SLC35F2: variants seen among roughly 807,000 people sequenced by gnomAD.
SLC35F2 encodes solute carrier family 35 member F2.
A neutral mutation model predicts 38.1 loss-of-function variants in SLC35F2; 25 were observed. That is an observed-to-expected ratio of 0.66 (90% CI 0.48 to 0.92). SLC35F2 has a LOEUF of 0.92. SLC35F2 is among the 40% of genes least tolerant of loss of function. The pLI is 0.00. For missense variants in SLC35F2, 409 were observed against 452.9 expected, an observed-to-expected ratio of 0.90 and a Z score of 0.88; for synonymous variants, 173 against 181.7, an observed-to-expected ratio of 0.95 and a Z score of 0.38.
At chr11:107,852,770 G>A (rs1174699572) in intron 1 of SLC35F2, among the ~76,000 whole-genome samples, 1 of 151,878 alleles carries the variant, frequency 6.6e-6, no homozygotes, top group East Asian at 1.9e-4. Context: ...TACTACTAGG[G>A]AGGCTGAGGC....
intron 4 of SLC35F2, 175 bp from the exon 5 acceptor site, chr11:107,805,690 G>A (rs1009475377): frequency 4.7e-5 from 46 of 983,362 alleles, no homozygotes; most frequent in Non-Finnish European, 5.3e-5. Context: ...GTGTGTATGT[G>A]TGTGTTTGAG....
intron 1 of SLC35F2, among the ~76,000 whole-genome samples, chr11:107,838,409 C>T (rs1296241086): frequency 6.6e-6 from 1 of 152,200 alleles, no homozygotes. Flanking sequence ...ACTGCAACCT[C>T]CACCTCCTGG....
intron 7 of SLC35F2, among the ~76,000 whole-genome samples, chr11:107,801,487 T>C (rs1163750902): frequency 6.6e-6 from 1 of 152,206 alleles, no homozygotes; most frequent in Non-Finnish European, 1.5e-5. Flanking sequence ...ATTTTCTTAA[T>C]GAGTTAATAA....
At chr11:107,843,204 G>C (rs1860039308) in intron 1 of SLC35F2, among the ~76,000 whole-genome samples, 1 of 152,160 alleles carries the variant, frequency 6.6e-6, no homozygotes, top group East Asian at 1.9e-4. Flanking sequence ...GACTATCTTT[G>C]GTCTAGGTAC....
At chr11:107,829,227 T>C (rs559499445) in intron 1 of SLC35F2, among the ~76,000 whole-genome samples, 29 of 152,004 alleles carry the variant, frequency 1.9e-4, no homozygotes, top group African/African-American at 6.0e-4. Context: ...GAGACCAGCC[T>C]GGTCAACATG....
intron 1 of SLC35F2, among the ~76,000 whole-genome samples, chr11:107,835,952 T>G (rs1859923226): frequency 6.6e-6 from 1 of 152,178 alleles, no homozygotes; most frequent in African/African-American, 2.4e-5. Context: ...GGTCTTGACT[T>G]GAAGAATAAA....
At chr11:107,841,042 C>T (rs978735040) in intron 1 of SLC35F2, among the ~76,000 whole-genome samples, 4 of 152,164 alleles carry the variant, frequency 2.6e-5, no homozygotes, top group Non-Finnish European at 5.9e-5. Flanking sequence ...GCTTCAACTT[C>T]TCCTAATTTA....
intron 6 of SLC35F2, among the ~76,000 whole-genome samples, chr11:107,804,469 C>T (rs1023013192): frequency 2.0e-5 from 3 of 152,258 alleles, no homozygotes; most frequent in Non-Finnish European, 4.4e-5. Context: ...AGGTCAATCT[C>T]CAGTCTTGTT....
At chr11:107,835,919 TTCATGGAAAGCCTTATTCATAAG>T (rs1159019887) in intron 1 of SLC35F2, among the ~76,000 whole-genome samples, 2 of 152,122 alleles carry the variant, frequency 1.3e-5, no homozygotes, top group Non-Finnish European at 2.9e-5. Flanking sequence ...AAATCTGGGA[TTCATGGAAAGCCTTATTCATAAG>T]GTCTTGACTT....
chr11:107,806,899 G>A (rs371001795), intron 3 of SLC35F2, 23 bp from the exon 4 acceptor site: 30 of 1,605,504 alleles, frequency 1.9e-5, no homozygotes, highest in Non-Finnish European at 2.5e-5. Flanking sequence ...AGAATCAACA[G>A]TTTAAAACAT....
intron 7 of SLC35F2, among the ~76,000 whole-genome samples, chr11:107,797,359 G>C (rs1356491949): frequency 6.6e-6 from 1 of 151,192 alleles, no homozygotes; most frequent in African/African-American, 2.4e-5. Flanking sequence ...GAAGGAAGGA[G>C]GGGGTGGAAG....
intron 7 of SLC35F2, among the ~76,000 whole-genome samples, chr11:107,794,384 T>C (rs992236427): frequency 6.6e-6 from 1 of 152,122 alleles, no homozygotes; most frequent in African/African-American, 2.4e-5. Context: ...TGGCCATCAG[T>C]ATGTATGTTT....
At chr11:107,821,369 TAA>T in intron 1 of SLC35F2, 1 of 974,330 alleles carries the variant, frequency 1.0e-6, no homozygotes, top group Non-Finnish European at 1.2e-6. Context: ...TATGGAGATT[TAA>T]AGTTACAGGA....
intron 1 of SLC35F2, among the ~76,000 whole-genome samples, chr11:107,826,053 G>T (rs540596855): frequency 1.3e-5 from 2 of 152,084 alleles, no homozygotes; most frequent in African/African-American, 4.8e-5. Context: ...ACTAGCAAAA[G>T]ACTAAAGGAA....
chr11:107,806,559 C>T, intron 4 of SLC35F2, 158 bp downstream of exon 4: 1 of 668,208 alleles, frequency 1.5e-6, no homozygotes, highest in Non-Finnish European at 2.7e-6. Flanking sequence ...AGATTTTATA[C>T]TATCAACTGA....
intron 1 of SLC35F2, among the ~76,000 whole-genome samples, chr11:107,840,250 G>C (rs498851): frequency 0.81 from 123,466 of 152,080 alleles, 50,220 homozygotes; most frequent in South Asian, 0.88. Flanking sequence ...ATAGGATTAG[G>C]GTTGGTAATA....
At chr11:107,830,389 T>A (rs2082383307) in intron 1 of SLC35F2, among the ~76,000 whole-genome samples, 1 of 151,724 alleles carries the variant, frequency 6.6e-6, no homozygotes, top group Non-Finnish European at 1.5e-5. Context: ...ATCGAGAACA[T>A]CCTGGCCAAC....
At chr11:107,796,383 C>T (rs1190575326) in intron 7 of SLC35F2, among the ~76,000 whole-genome samples, 2 of 152,166 alleles carry the variant, frequency 1.3e-5, no homozygotes, top group African/African-American at 4.8e-5. Flanking sequence ...ACCTAACTGT[C>T]CGTCAGTGGA....
chr11:107,801,821 C>G (rs1320655647), intron 7 of SLC35F2, among the ~76,000 whole-genome samples: 1 of 152,096 alleles, frequency 6.6e-6, no homozygotes, highest in Non-Finnish European at 1.5e-5. Context: ...TGGCAAGAAG[C>G]CTGGACTGAT....
Sources: gnomAD v4.1 joint callset for allele counts (sites outside exome capture counted in the v4.1 genomes callset) on GRCh38, gnomAD v4.1.1 for gene constraint, MANE v1.5 for transcripts, NCBI Gene and HGNC (gene_info 2026-07-23, HGNC 2026-07-21) for gene names.